Variants in CNTN4 observed in about 807,000 individuals in gnomAD.
CNTN4 encodes contactin-4.
A neutral mutation model predicts 122.5 loss-of-function variants in CNTN4; 77 were observed. That is an observed-to-expected ratio of 0.63 (90% CI 0.52 to 0.76). The LOEUF (loss-of-function observed/expected upper bound fraction) is 0.76. Among genes scored for constraint, CNTN4 ranks in the 30% least tolerant of loss-of-function variants. The pLI, the probability that CNTN4 is intolerant of heterozygous loss-of-function variation, is 0.00. For missense variants in CNTN4, 1,256 were observed against 1,259.1 expected, an observed-to-expected ratio of 1.00 and a Z score of 0.04; for synonymous variants, 512 against 447.0, an observed-to-expected ratio of 1.15 and a Z score of -1.83.
At chr3:2,632,904 A>G (rs1264363571) in intron 4 of CNTN4, among the ~76,000 whole-genome samples, 1 of 151,762 alleles carries the variant, frequency 6.6e-6, no homozygotes, top group Admixed American at 6.6e-5. Context: ...GCTTTTAACT[A>G]TCTAGCTTTG....
chr3:2,335,472 C>T lies in CNTN4; in HGVS notation c.-144-3706C>T, dbSNP rs527544769. Among the ~76,000 whole-genome samples the T allele has an allele frequency of 5.1e-4, 78 of 152,054 alleles. 1 individual carries two copies. The highest frequency in any genetic ancestry group is 3.4e-3 in the Middle Eastern group (1 of 294). On this transcript the variant is annotated intron_variant, in intron 2 of 24. Transcript: ENST00000418658. ...AAAGAAGGTGGGTAAAATGAAAGGT[C>T]TTGCCTTGTGTTCGCCTCTAGGGAG... is the stretch of plus-strand genomic sequence containing the variant.
chr3:2,798,885 A>G (rs1009619609), intron 6 of CNTN4, among the ~76,000 whole-genome samples: 3 of 152,054 alleles, frequency 2.0e-5, no homozygotes, highest in African/African-American at 7.2e-5. Context: ...ATCAATTGGT[A>G]GTTCTATTTT....
Position 2,900,011 on chromosome 3 carries a change from T to G in CNTN4, c.941-674T>G, listed in dbSNP as rs143744603. On this transcript the variant is annotated intron_variant, in intron 10 of 24. Transcript: ENST00000418658. Reference sequence around the variant, plus strand: ...AAAGTAGCTTAGATGAAAAGTTTATTTCTCTCTCACATTATTTTCCTCAAA... The same window carrying G: ...AAAGTAGCTTAGATGAAAAGTTTATGTCTCTCTCACATTATTTTCCTCAAA... 5.7e-3 allele frequency among the ~76,000 whole-genome samples: 871 copies of G among 152,280 alleles called. 33 individuals are homozygous for G. The highest frequency in any genetic ancestry group is 0.047 in the Admixed American group (718 of 15,290).
At chr3:2,661,548 C>T (rs976313950) in intron 4 of CNTN4, among the ~76,000 whole-genome samples, 1 of 150,972 alleles carries the variant, frequency 6.6e-6, no homozygotes, top group Non-Finnish European at 1.5e-5. Context: ...CGTGGTGGCT[C>T]GTGCCTGTAA....
At chr3:2,186,336 G>A (rs2037264415) in intron 2 of CNTN4, among the ~76,000 whole-genome samples, 1 of 152,238 alleles carries the variant, frequency 6.6e-6, no homozygotes, top group Admixed American at 6.5e-5. Flanking sequence ...ATCATTGATG[G>A]ACATTTGGGT....
At chr3:2,296,745 A>AT (rs1461920174) in intron 2 of CNTN4, among the ~76,000 whole-genome samples, 1 of 151,622 alleles carries the variant, frequency 6.6e-6, no homozygotes, top group East Asian at 2.0e-4. Context: ...CATGTACTAT[A>AT]TGCAACAGGT....
chr3:2,188,520 A>C (rs1228782958), intron 2 of CNTN4, among the ~76,000 whole-genome samples: 1 of 152,174 alleles, frequency 6.6e-6, no homozygotes, highest in African/African-American at 2.4e-5. Context: ...TAAAGTCCAG[A>C]AACCTTTTAG....
chr3:2,488,172 G>C (rs2076215999), intron 3 of CNTN4, among the ~76,000 whole-genome samples: 1 of 152,212 alleles, frequency 6.6e-6, no homozygotes, highest in South Asian at 2.1e-4. Flanking sequence ...AATTATCTAA[G>C]ATGTTTAGAT....
intron 6 of CNTN4, among the ~76,000 whole-genome samples, chr3:2,783,006 C>T (rs954725585): frequency 1.4e-4 from 22 of 152,144 alleles, no homozygotes; most frequent in Non-Finnish European, 2.6e-4. Flanking sequence ...AGTGCCAGTG[C>T]GGTGGCTTAC....
intron 4 of CNTN4, among the ~76,000 whole-genome samples, chr3:2,600,553 G>C (rs1333107020): frequency 6.6e-6 from 1 of 152,164 alleles, no homozygotes; most frequent in Non-Finnish European, 1.5e-5. Flanking sequence ...TGGCTGCATA[G>C]TATTCCATGG....
chr3:2,228,106 G>A (rs1311670083), intron 2 of CNTN4, among the ~76,000 whole-genome samples: 4 of 152,104 alleles, frequency 2.6e-5, no homozygotes, highest in African/African-American at 9.6e-5. Context: ...AGCATTTCTA[G>A]TTACAAGTGA....
intron 12 of CNTN4, among the ~76,000 whole-genome samples, chr3:2,905,561 C>T (rs954365025): frequency 6.6e-5 from 10 of 152,228 alleles, no homozygotes; most frequent in African/African-American, 2.4e-4. Flanking sequence ...TTAGTACCAT[C>T]ACCTTAGCGG....
chr3:2,880,469 G>A (rs2093894827), intron 8 of CNTN4, among the ~76,000 whole-genome samples: 2 of 152,184 alleles, frequency 1.3e-5, no homozygotes, highest in South Asian at 4.1e-4. Flanking sequence ...TGATATTTAT[G>A]GGATGATGAT....
chr3:2,546,633 T>C (rs2078257127), intron 3 of CNTN4, among the ~76,000 whole-genome samples: 3 of 152,068 alleles, frequency 2.0e-5, no homozygotes, highest in Admixed American at 1.3e-4. Context: ...AACCTGCACA[T>C]GTACTCCTGA....
rs192666661 is a variant in CNTN4 at position 2,612,886 on chromosome 3, A to G, written c.55+41328A>G. On this transcript the variant is annotated intron_variant, in intron 4 of 24. Coordinates refer to ENST00000418658, the MANE Select transcript of CNTN4 (RefSeq NM_175607.3). ...CAATTTCTCACACTGTTTCACCCCA[A>G]GAGTGTTAGCCTTAGTGACCTTGAG... Among the ~76,000 whole-genome samples the G allele has an allele frequency of 5.9e-5, 9 of 152,280 alleles. No homozygotes were observed. In the East Asian group the frequency reaches 1.5e-3, roughly 26 times the overall value.
At chr3:2,603,692 A>C (rs1298768948) in intron 4 of CNTN4, among the ~76,000 whole-genome samples, 1 of 152,176 alleles carries the variant, frequency 6.6e-6, no homozygotes, top group Non-Finnish European at 1.5e-5. Flanking sequence ...GGTGGAATAA[A>C]AACAGCCCGT....
intron 10 of CNTN4, among the ~76,000 whole-genome samples, chr3:2,899,445 C>T (rs1313735698): frequency 6.6e-6 from 1 of 152,112 alleles, no homozygotes; most frequent in Non-Finnish European, 1.5e-5. Flanking sequence ...GCCCTGTGAA[C>T]ACATAAAGTT....
At chr3:2,611,297 C>CAAAAAAAAAAAAAAAAAAAAA (rs201162114) in intron 4 of CNTN4, among the ~76,000 whole-genome samples, 17 of 62,292 alleles carry the variant, frequency 2.7e-4, no homozygotes, top group African/African-American at 4.3e-4. Flanking sequence ...CACCTGGAAC[C>CAAAAAAAAAAAAAAAAAAAAA]AAAAAAAAAA....
chr3:2,101,694 A>T (rs2031974496), intron 2 of CNTN4, among the ~76,000 whole-genome samples: 1 of 152,348 alleles, frequency 6.6e-6, no homozygotes, highest in African/African-American at 2.4e-5. Flanking sequence ...ATCTGACAAC[A>T]TATCAATAAA....
Sources: allele counts gnomAD v4.1 joint callset (sites outside exome capture counted in the v4.1 genomes callset), GRCh38; gene constraint gnomAD v4.1.1; transcripts MANE v1.5; gene names NCBI Gene and HGNC (gene_info 2026-07-23, HGNC 2026-07-21).